HAUS1: variants seen among roughly 807,000 people sequenced by gnomAD.
The protein encoded by HAUS1 is HAUS augmin like complex subunit 1.
In HAUS1, 25 loss-of-function variants were observed where a neutral mutation model predicts 38.6. That is an observed-to-expected ratio of 0.65 (90% CI 0.47 to 0.91). The LOEUF (loss-of-function observed/expected upper bound fraction) is 0.91. HAUS1 is among the 40% of genes least tolerant of loss of function. HAUS1 has a pLI of 0.00. For missense variants in HAUS1, 325 were observed against 328.4 expected (o/e 0.99, Z 0.08); for synonymous variants, 109 against 112.9 (o/e 0.97, Z 0.22).
At position 46,112,349 on chromosome 18, in the gene HAUS1, T is replaced by C. The variant is rs1411198297; in HGVS notation, c.206-5832T>C. Among the ~76,000 whole-genome samples, 10 of 124,284 alleles carry C rather than the reference T, an allele frequency of 8.0e-5. No individual in the cohort carries two copies. In the South Asian group the frequency reaches 2.0e-3, roughly 25 times the overall value. 81.5% of individuals were successfully genotyped at this position (124,284 alleles called of 152,430 possible). ...TAATGTGTATATATATTCCATATTA[T>C]ATATAATATATATAATGTGTATATA... On this transcript the variant is annotated intron_variant, in intron 2 of 8. Coordinates refer to ENST00000282058, the MANE Select transcript of HAUS1 (RefSeq NM_138443.4).
chr18:46,110,943 C>G (rs994178630), intron 2 of HAUS1, among the ~76,000 whole-genome samples: 6 of 134,372 alleles, frequency 4.5e-5, no homozygotes, highest in African/African-American at 1.7e-4. Flanking sequence ...GTGGCGCATT[C>G]TCGGCTCACT....
At chr18:46,116,632 G>T (rs911744463) in intron 2 of HAUS1, among the ~76,000 whole-genome samples, 1 of 151,968 alleles carries the variant, frequency 6.6e-6, no homozygotes, top group Non-Finnish European at 1.5e-5. Flanking sequence ...AAATGGGCAA[G>T]GGGTATACAC....
intron 6 of HAUS1, 94 bp downstream of exon 6, chr18:46,123,458 G>A (rs1410742593): frequency 1.2e-6 from 1 of 836,460 alleles, no homozygotes; most frequent in African/African-American, 1.7e-5. Flanking sequence ...TTTATTCACT[G>A]TGGACCTGAT....
At chr18:46,111,296 A>T (rs745947685) in intron 2 of HAUS1, among the ~76,000 whole-genome samples, 1 of 152,060 alleles carries the variant, frequency 6.6e-6, no homozygotes. Flanking sequence ...TGAGCATGGT[A>T]AATTTTCAGC....
chr18:46,120,008 A>C lies in HAUS1; in HGVS notation c.424A>C (p.Lys142Gln). Residue 142 changes from lysine (K) to glutamine (Q), a missense_variant, in exon 4 of 9, where the codon AAA becomes CAA. Coordinates refer to ENST00000282058, the MANE Select transcript of HAUS1 (RefSeq NM_138443.4). ...TGAAGAAATCAAGATTGAACTGGAA[A>C]AACTTGAAAAAAATTTAACTGCAAC... ...KSEEIKIELE[K>Q]LEKNLTATLV... is the part of the protein sequence containing the mutation. 3 of 1,609,608 alleles carry C rather than the reference A, an allele frequency of 1.9e-6. No homozygotes were observed. The highest frequency in any genetic ancestry group is 2.5e-6 in the Non-Finnish European group (3 of 1,177,548).
At position 46,119,971 on chromosome 18, in the gene HAUS1, C is replaced by G. The variant is rs771323253; in HGVS notation, c.387C>G (p.Thr129=). 6.2e-7 allele frequency: 1 copy of G among 1,608,474 alleles called. No individual in the cohort carries two copies. Among genetic ancestry groups the G allele is most frequent in the Non-Finnish European group, 8.5e-7 (1 of 1,177,734 alleles). The part of the protein sequence containing the change: ...VNDLTSDLFR[T]KSKSEEIKIE... ...ATTTGACCTCTGATCTCTTTCGTACCAAATCCAAAAGTGAAGAAATCAAGA... is the reference window on the plus strand; with the variant it reads ...ATTTGACCTCTGATCTCTTTCGTACGAAATCCAAAAGTGAAGAAATCAAGA... Residue 129 remains threonine, a synonymous_variant, in exon 4 of 9, where the codon ACC becomes ACG. Transcript: ENST00000282058.
At chr18:46,113,780 T>C (rs1279218315) in intron 2 of HAUS1, among the ~76,000 whole-genome samples, 1 of 152,200 alleles carries the variant, frequency 6.6e-6, no homozygotes, top group Non-Finnish European at 1.5e-5. Flanking sequence ...TATTGTATCC[T>C]TGCTAGGTAC....
Position 46,124,891 on chromosome 18 carries a change from C to A in HAUS1, c.736C>A (p.Pro246Thr). Residue 246 changes from proline to threonine, a missense_variant and splice_region_variant, in exon 7 of 9, where the codon CCG becomes ACG. Physicochemically the swap from Pro to Thr is conservative, Grantham distance 38. Coordinates refer to ENST00000282058, the MANE Select transcript of HAUS1 (RefSeq NM_138443.4). The stretch of plus-strand genomic sequence containing the variant: ...ATTGGAGTCCTATTTAGACTTAATG[C>A]CGGTAATAATTTTCGCGAATTAAAA... ...KKLESYLDLMPNPSLAQVKIE... is the reference protein window; with the variant it reads ...KKLESYLDLMTNPSLAQVKIE... The A allele has an allele frequency of 6.5e-7, 1 of 1,547,256 alleles. No individual in the cohort carries two copies. Among genetic ancestry groups the A allele is most frequent in the Non-Finnish European group, 8.9e-7 (1 of 1,120,842 alleles).
intron 2 of HAUS1, among the ~76,000 whole-genome samples, chr18:46,110,326 T>G (rs1163547200): frequency 2.8e-5 from 4 of 141,110 alleles, no homozygotes; most frequent in African/African-American, 1.1e-4. Context: ...CAGCTTATTT[T>G]TTTAAGGTTT....
chr18:46,122,808 G>A (rs1186457825), intron 5 of HAUS1, among the ~76,000 whole-genome samples: 2 of 152,194 alleles, frequency 1.3e-5, no homozygotes, highest in Non-Finnish European at 2.9e-5. Context: ...CACCCATCTT[G>A]TCACAAATGC....
chr18:46,105,115 G>C (rs1911423065), intron 1 of HAUS1, 79 bp from the exon 2 acceptor site: 1 of 1,044,652 alleles, frequency 9.6e-7, no homozygotes, highest in African/African-American at 1.6e-5. Flanking sequence ...GTTTGCTTTT[G>C]ATCACTTCTT....
chr18:46,111,682 C>T (rs954434376), intron 2 of HAUS1, among the ~76,000 whole-genome samples: 15 of 149,366 alleles, frequency 1.0e-4, no homozygotes, highest in Non-Finnish European at 2.1e-4. Flanking sequence ...GGTCTTGAAC[C>T]CCTGACCTCA....
At chr18:46,120,239 CT>C (rs760308150) in intron 4 of HAUS1, among the ~76,000 whole-genome samples, 179 bp downstream of exon 4, 244 of 143,698 alleles carry the variant, frequency 1.7e-3, no homozygotes, top group Middle Eastern at 3.6e-3. Flanking sequence ...ACTTTTCCAG[CT>C]TTTTTTTTTT....
chr18:46,125,012 C>A, intron 7 of HAUS1, 119 bp downstream of exon 7: 1 of 577,946 alleles, frequency 1.7e-6, no homozygotes, highest in Non-Finnish European at 3.1e-6. Context: ...GTAATCCCAG[C>A]ACTTTGGGAG....
intron 2 of HAUS1, among the ~76,000 whole-genome samples, chr18:46,116,593 C>G (rs1457994316): frequency 6.6e-6 from 1 of 151,596 alleles, no homozygotes; most frequent in Non-Finnish European, 1.5e-5. Context: ...AAACCAAAAC[C>G]TCAATAATAA....
rs776654457 is a variant in HAUS1, at chr18:46,105,329, G to C, written c.166G>C (p.Glu56Gln). ...GGACAGGGATGTCTACCTGGTAATA[G>C]AGGACTTGAAGCAGAAAGCAAGTGA... ...VRDRDVYLVI[E>Q]DLKQKASEYE... The change falls in exon 2 of 9, where the codon GAG becomes CAG. Residue 56 changes from glutamate to glutamine, a missense_variant. Coordinates refer to ENST00000282058, the MANE Select transcript of HAUS1 (RefSeq NM_138443.4). The C allele has an allele frequency of 1.2e-6, 2 of 1,613,598 alleles. No individual in the cohort carries two copies. The highest frequency in any genetic ancestry group is 4.5e-5 in the East Asian group (2 of 44,874).
chr18:46,105,101 T>A (rs1298880031), intron 1 of HAUS1, 93 bp from the exon 2 acceptor site: 10 of 829,678 alleles, frequency 1.2e-5, no homozygotes, highest in African/African-American at 1.7e-5. Context: ...ACAGAAAGCA[T>A]TTAGTTTGCT....
intron 6 of HAUS1, among the ~76,000 whole-genome samples, chr18:46,124,021 G>C (rs960888810): frequency 6.6e-6 from 1 of 152,092 alleles, no homozygotes; most frequent in Admixed American, 6.6e-5. Flanking sequence ...GGTTAGAAGT[G>C]TAAGCCACCA....
intron 3 of HAUS1, among the ~76,000 whole-genome samples, chr18:46,118,650 C>G (rs775850075): frequency 6.6e-6 from 1 of 152,048 alleles, no homozygotes; most frequent in African/African-American, 2.4e-5. Flanking sequence ...TTATGTCTAC[C>G]TTTTTGTTAA....
Sources: allele counts gnomAD v4.1 joint callset (sites outside exome capture counted in the v4.1 genomes callset), GRCh38; gene constraint gnomAD v4.1.1; transcripts MANE v1.5; gene names NCBI Gene and HGNC (gene_info 2026-07-23, HGNC 2026-07-21).